Variants in CDH18 observed in about 807,000 individuals in gnomAD.
CDH18 encodes cadherin 18, also known as cadherin-18.
In CDH18, 31 loss-of-function variants were observed where a neutral mutation model predicts 67.9. That is an observed-to-expected ratio of 0.46 (90% CI 0.34 to 0.62). The LOEUF is 0.62. Ranked by LOEUF, CDH18 falls within the 20% of genes least tolerant of loss-of-function variation. The pLI is 0.01. For synonymous variants in CDH18, 362 were observed against 347.2 expected, an observed-to-expected ratio of 1.04 and a Z score of -0.48; for missense variants, 890 against 975.5, an observed-to-expected ratio of 0.91 and a Z score of 1.17.
Position 19,685,843 on chromosome 5 carries a change from G to T in CDH18, c.643+35504C>A, listed in dbSNP as rs140748327. Reference sequence around the variant, plus strand: ...CTGACAAATCGACCAATGGAAGCAGGAGAGGTGGCTGGAGGATCACACAGG... The same window carrying T: ...CTGACAAATCGACCAATGGAAGCAGTAGAGGTGGCTGGAGGATCACACAGG... On this transcript the variant is annotated intron_variant, in intron 5 of 12. Coordinates refer to ENST00000382275, the MANE Select transcript of CDH18 (RefSeq NM_004934.5). Among the ~76,000 whole-genome samples the T allele has an allele frequency of 2.0e-3, 306 of 152,254 alleles. 1 individual carries two copies. Among genetic ancestry groups the T allele is most frequent in the Middle Eastern group, 0.017 (5 of 294 alleles).
At chr5:19,992,881 T>C (rs1800061801), upstream of CDH18, among the ~76,000 whole-genome samples, 1 of 152,138 alleles carries the variant, frequency 6.6e-6, no homozygotes, top group Admixed American at 6.5e-5. Flanking sequence ...TGTTGGGTGT[T>C]TAAGTACAAC....
intron 2 of CDH18, among the ~76,000 whole-genome samples, chr5:20,034,782 A>T (rs558148078): frequency 2.0e-5 from 3 of 152,166 alleles, no homozygotes; most frequent in Non-Finnish European, 4.4e-5. Context: ...TACTTACAAT[A>T]GATCTCTCTC....
At chr5:20,273,752 C>A (rs1200931348) in intron 1 of CDH18, among the ~76,000 whole-genome samples, 1 of 152,092 alleles carries the variant, frequency 6.6e-6, no homozygotes, top group African/African-American at 2.4e-5. Flanking sequence ...TAGATGACTA[C>A]TATGACACTC....
At chr5:20,145,801 T>C (rs1253507697) in intron 2 of CDH18, among the ~76,000 whole-genome samples, 2 of 152,216 alleles carry the variant, frequency 1.3e-5, no homozygotes, top group Non-Finnish European at 2.9e-5. Context: ...TCCTTCTCCA[T>C]AGATCCATTC....
intron 1 of CDH18, among the ~76,000 whole-genome samples, chr5:20,482,863 A>G (rs111345475): frequency 0.03 from 4,615 of 152,122 alleles, 83 homozygotes; most frequent in Non-Finnish European, 0.043. Flanking sequence ...TGATCTCAAA[A>G]CTTGACAAGG....
intron 1 of CDH18, among the ~76,000 whole-genome samples, chr5:20,256,099 T>C (rs1272790989): frequency 6.6e-6 from 1 of 151,922 alleles, no homozygotes; most frequent in Non-Finnish European, 1.5e-5. Context: ...CTATTAGATA[T>C]TTCAATAAAT....
chr5:19,540,628 A>T (rs889034194), intron 9 of CDH18, among the ~76,000 whole-genome samples: 1 of 151,912 alleles, frequency 6.6e-6, no homozygotes, highest in Non-Finnish European at 1.5e-5. Context: ...ACTTCTATCT[A>T]CCCTCAGGCT....
intron 5 of CDH18, among the ~76,000 whole-genome samples, chr5:19,679,298 A>G (rs940898193): frequency 1.3e-5 from 2 of 152,000 alleles, no homozygotes; most frequent in Non-Finnish European, 2.9e-5. Context: ...TTGAAGGAAC[A>G]TACTTCAAAA....
intron 2 of CDH18, among the ~76,000 whole-genome samples, chr5:19,897,321 AC>A (rs1474007133): frequency 1.3e-5 from 2 of 152,160 alleles, no homozygotes; most frequent in African/African-American, 2.4e-5. Context: ...AACATATAAA[AC>A]AATGATGAAA....
intron 2 of CDH18, among the ~76,000 whole-genome samples, chr5:20,222,238 G>T (rs537129998): frequency 6.6e-6 from 1 of 152,130 alleles, no homozygotes; most frequent in African/African-American, 2.4e-5. Flanking sequence ...ATTTGCTAAA[G>T]AGAATGTCAC....
intron 1 of CDH18, among the ~76,000 whole-genome samples, chr5:20,442,051 C>T (rs1295191561): frequency 6.6e-6 from 1 of 151,874 alleles, no homozygotes; most frequent in Non-Finnish European, 1.5e-5. Context: ...TAATTGCCAT[C>T]TATCTTGTTA....
At chr5:20,511,991 TG>T (rs796831506) in intron 1 of CDH18, among the ~76,000 whole-genome samples, 8 of 152,142 alleles carry the variant, frequency 5.3e-5, no homozygotes, top group African/African-American at 1.9e-4. Context: ...GAGGCTGAGG[TG>T]GGTGGATCAC....
chr5:20,458,569 G>A (rs1454027774), intron 1 of CDH18, among the ~76,000 whole-genome samples: 2 of 152,128 alleles, frequency 1.3e-5, no homozygotes, highest in African/African-American at 4.8e-5. Flanking sequence ...AGTGAGCTGA[G>A]GTTGTAGCAC....
At chr5:20,471,178 GA>G (rs111347005) in intron 1 of CDH18, among the ~76,000 whole-genome samples, 8,660 of 152,240 alleles carry the variant, frequency 0.057, 823 homozygotes, top group African/African-American at 0.2. Context: ...CCACTTCTCA[GA>G]ATGTATGTAT....
rs779210530 is a variant in CDH18, at chr5:20,535,908, T to G, written c.-580+39554A>C. 9.2e-5 allele frequency among the ~76,000 whole-genome samples: 14 copies of G among 152,242 alleles called. 1 individual carries two copies. Among genetic ancestry groups the G allele is most frequent in the South Asian group, 4.1e-4 (2 of 4,828 alleles). On this transcript the variant is annotated intron_variant, in intron 1 of 14. Coordinates refer to the CDH18 transcript ENST00000507958. ...TGAATTCTAATCTATGTTTCCTAAT[T>G]CAACCAGAAGGCTGGGCTGTATTTC...
chr5:20,280,766 C>A (rs142473067), intron 1 of CDH18, among the ~76,000 whole-genome samples: 17,757 of 152,108 alleles, frequency 0.12, 1,574 homozygotes, highest in African/African-American at 0.24. Context: ...AGTTCTAGAT[C>A]CCTGAGGAAT....
rs372894094 is a variant in CDH18 at position 20,198,216 on chromosome 5, G to C, written c.-518+57228C>G. On this transcript the variant is annotated intron_variant, in intron 2 of 14. Coordinates refer to the CDH18 transcript ENST00000507958. The stretch of plus-strand genomic sequence containing the variant: ...AAATGTGGAAGTGACTTTGGAACTC[G>C]GTAACAGACAGACATTGGAACAGTT... Among the ~76,000 whole-genome samples, 27 of 152,274 alleles carry C rather than the reference G, an allele frequency of 1.8e-4. No individual in the cohort carries two copies. In the East Asian group the frequency reaches 5.0e-3, roughly 28 times the overall value.
intron 2 of CDH18, among the ~76,000 whole-genome samples, chr5:20,159,842 C>T (rs982641743): frequency 6.6e-6 from 1 of 152,118 alleles, no homozygotes; most frequent in Non-Finnish European, 1.5e-5. Flanking sequence ...ATGGTCAAGG[C>T]AAGCCTACTG....
chr5:20,290,774 G>A (rs966304486), intron 1 of CDH18, among the ~76,000 whole-genome samples: 5 of 152,064 alleles, frequency 3.3e-5, no homozygotes, highest in East Asian at 1.9e-4. Context: ...GGCTAAAAAC[G>A]AAATAGCAAA....
Sources: gnomAD v4.1 joint callset for allele counts (sites outside exome capture counted in the v4.1 genomes callset) on GRCh38, gnomAD v4.1.1 for gene constraint, MANE v1.5 for transcripts, NCBI Gene and HGNC (gene_info 2026-07-23, HGNC 2026-07-21) for gene names.